The following AAK1 variants were observed in gnomAD, a reference collection of about 807,000 sequenced individuals.
AAK1 encodes the protein AP2-associated protein kinase 1.
A neutral mutation model predicts 116.0 loss-of-function variants in AAK1; 37 were observed. The ratio of observed to expected loss-of-function variants is 0.32; its 90% CI spans 0.25 to 0.42. The LOEUF is 0.42. Ranked by LOEUF, AAK1 falls within the 10% of genes least tolerant of loss-of-function variation. AAK1 has a pLI of 1.00. For synonymous variants in AAK1, 458 were observed against 439.9 expected, an observed-to-expected ratio of 1.04 and a Z score of -0.51; for missense variants, 919 against 1,170.6, an observed-to-expected ratio of 0.79 and a Z score of 3.14.
chr2:69,559,298 ACT>A (rs1043202922), intron 2 of AAK1, among the ~76,000 whole-genome samples: 4,003 of 78,246 alleles, frequency 0.051, 64 homozygotes, highest in East Asian at 0.19. Context: ...ACACACACAC[ACT>A]CTCTCTCTCC....
Position 69,470,914 on chromosome 2 carries a change from C to T in AAK1, c.*4955G>A, listed in dbSNP as rs773660413. 2.0e-5 allele frequency: 20 copies of T among 985,760 alleles called. No homozygotes were observed. The highest frequency in any genetic ancestry group is 1.2e-4 in the Admixed American group (2 of 16,262). 61.1% of individuals were successfully genotyped at this position (985,760 alleles called of 1,614,324 possible). ...TTAAGTTATTTACATCTCTAAACAT[C>T]ATGCTCCCATTTGAACAGATAAAAG... On this transcript the variant is annotated 3_prime_UTR_variant, in exon 22 of 22. Transcript: ENST00000409085.
chr2:69,598,823 C>T lies in AAK1; in HGVS notation c.164-41845G>A. Reference sequence around the variant, plus strand: ...GGTATGAGCCGCTAATGTCCCACCCCTTTTCTTTTTATGAAGAGTTGATGT... The same window carrying T: ...GGTATGAGCCGCTAATGTCCCACCCTTTTTCTTTTTATGAAGAGTTGATGT... On this transcript the variant is annotated intron_variant, in intron 2 of 21. Transcript: ENST00000409085. 1.4e-5 allele frequency: 3 copies of T among 214,552 alleles called. No homozygotes were observed. The South Asian group carries it at 2.0e-4, about 14-fold the overall frequency. The allele number at this position is 214,552 out of a possible 1,614,324, so 13.3% of individuals were successfully genotyped here. A position where few individuals can be genotyped will look rare whatever the true frequency, so the allele number is the denominator to read the frequency against.
chr2:69,627,053 C>T (rs1377777587), intron 2 of AAK1, among the ~76,000 whole-genome samples: 1 of 151,884 alleles, frequency 6.6e-6, no homozygotes, highest in Non-Finnish European at 1.5e-5. Flanking sequence ...TTTGGGAGGC[C>T]GAGGCGGGTG....
chr2:69,530,060 G>A lies in AAK1; in HGVS notation c.819C>T (p.Asn273=). The A allele has an allele frequency of 1.9e-6, 3 of 1,609,136 alleles. No individual in the cohort carries two copies. Among genetic ancestry groups the A allele is most frequent in the East Asian group, 2.2e-5 (1 of 44,742 alleles). The change falls in exon 8 of 22, where the codon AAC becomes AAT. Residue 273 remains asparagine, a synonymous_variant. Transcript: ENST00000409085. ...ATCGAGAATTATCAGGAATTGTGAA[G>A]TTTCCATCACAAATTGCCACCTGAC... ...GESQVAICDG[N]FTIPDNSRYS...
At chr2:69,553,527 T>C (rs1322387230) in intron 3 of AAK1, among the ~76,000 whole-genome samples, 1 of 129,738 alleles carries the variant, frequency 7.7e-6, no homozygotes, top group Non-Finnish European at 1.6e-5. Context: ...CACTGTAACC[T>C]CCGCCTTCTG....
At position 69,469,873 on chromosome 2, in the gene AAK1, T is replaced by C; in HGVS notation, c.*5996A>G. 1.0e-6 allele frequency: 1 copy of C among 985,468 alleles called. No homozygotes were observed. The highest frequency in any genetic ancestry group is 1.2e-6 in the Non-Finnish European group (1 of 829,942). 61.0% of individuals were successfully genotyped at this position (985,468 alleles called of 1,614,324 possible). On this transcript the variant is annotated 3_prime_UTR_variant, in exon 22 of 22. Coordinates refer to ENST00000409085, the MANE Select transcript of AAK1 (RefSeq NM_014911.5). ...ATATGGGTAACTCCATATTAGTCTATTTTGAGGCTCCAAATTATGTAGATT... is the reference window on the plus strand; with the variant it reads ...ATATGGGTAACTCCATATTAGTCTACTTTGAGGCTCCAAATTATGTAGATT...
At chr2:69,608,176 A>G (rs938693851) in intron 2 of AAK1, among the ~76,000 whole-genome samples, 3 of 152,196 alleles carry the variant, frequency 2.0e-5, no homozygotes, top group African/African-American at 7.2e-5. Flanking sequence ...GCAGGACACA[A>G]AAGAAGGCTA....
chr2:69,603,097 T>A (rs1194516199), intron 2 of AAK1, among the ~76,000 whole-genome samples: 1 of 152,158 alleles, frequency 6.6e-6, no homozygotes, highest in East Asian at 1.9e-4. Flanking sequence ...ATTTATCAGT[T>A]ATGGAAGTCA....
intron 2 of AAK1, among the ~76,000 whole-genome samples, chr2:69,559,491 T>C (rs1179053617): frequency 6.6e-6 from 1 of 152,180 alleles, no homozygotes; most frequent in Non-Finnish European, 1.5e-5. Flanking sequence ...GTAGTGTAAA[T>C]TACAAAATTT....
At chr2:69,575,798 A>G (rs531790267) in intron 2 of AAK1, among the ~76,000 whole-genome samples, 2 of 152,272 alleles carry the variant, frequency 1.3e-5, no homozygotes, top group East Asian at 3.9e-4. Context: ...TAAAGACAGG[A>G]TCAGTATTTC....
At chr2:69,587,317 GCACATATATACACATATGCGTGCACACA>G (rs917580178) in intron 2 of AAK1, among the ~76,000 whole-genome samples, 11 of 147,700 alleles carry the variant, frequency 7.4e-5, no homozygotes, top group Admixed American at 1.3e-4. Flanking sequence ...GTATATATAC[GCACATATATACACATATGCGTGCACACA>G]CACATATATA....
intron 1 of AAK1, 127 bp from the exon 2 acceptor site, chr2:69,643,401 A>G: frequency 8.5e-7 from 1 of 1,180,584 alleles, no homozygotes; most frequent in Non-Finnish European, 1.1e-6. Flanking sequence ...CGGCGAGAAA[A>G]ACCGTGGGGC....
intron 2 of AAK1, among the ~76,000 whole-genome samples, chr2:69,612,672 G>C (rs1209969027): frequency 6.6e-6 from 1 of 152,182 alleles, no homozygotes; most frequent in African/African-American, 2.4e-5. Context: ...ACCATGTGCT[G>C]TATAAGTTTT....
chr2:69,541,160 G>C (rs926504649), intron 5 of AAK1, among the ~76,000 whole-genome samples: 1 of 151,818 alleles, frequency 6.6e-6, no homozygotes, highest in African/African-American at 2.4e-5. Flanking sequence ...GAAATGTTCT[G>C]GAATTAGATA....
chr2:69,558,149 C>T (rs1324147460), intron 2 of AAK1, among the ~76,000 whole-genome samples: 2 of 152,008 alleles, frequency 1.3e-5, no homozygotes, highest in Admixed American at 1.3e-4. Context: ...TCAGGACCAC[C>T]CTTGGCAACA....
chr2:69,562,679 C>G (rs1671692795), intron 2 of AAK1, among the ~76,000 whole-genome samples: 1 of 152,094 alleles, frequency 6.6e-6, no homozygotes, highest in African/African-American at 2.4e-5. Flanking sequence ...ATCACAAAGT[C>G]AGGAGATCAA....
chr2:69,623,703 C>T (rs1258328420), intron 2 of AAK1, among the ~76,000 whole-genome samples: 3 of 152,122 alleles, frequency 2.0e-5, no homozygotes, highest in Non-Finnish European at 4.4e-5. Flanking sequence ...TCTGATACTA[C>T]TCAAAGATAA....
chr2:69,621,953 C>T (rs72897436), intron 2 of AAK1, among the ~76,000 whole-genome samples: 12,840 of 152,326 alleles, frequency 0.084, 1,118 homozygotes, highest in African/African-American at 0.19. Flanking sequence ...GCTTTCGACG[C>T]CTCCTCGGCC....
At chr2:69,562,482 T>C (rs180847663) in intron 2 of AAK1, among the ~76,000 whole-genome samples, 1 of 152,332 alleles carries the variant, frequency 6.6e-6, no homozygotes, top group African/African-American at 2.4e-5. Context: ...CCTAGTTCTT[T>C]GCTGGGAGAA....
Sources: allele counts gnomAD v4.1 joint callset (sites outside exome capture counted in the v4.1 genomes callset), GRCh38; gene constraint gnomAD v4.1.1; transcripts MANE v1.5; gene names NCBI Gene and HGNC (gene_info 2026-07-23, HGNC 2026-07-21).